The following PDE4DIP variants were observed in gnomAD, a reference collection of about 807,000 sequenced individuals.
The protein encoded by PDE4DIP is phosphodiesterase 4D interacting protein.
In PDE4DIP, 59 loss-of-function variants were observed where a neutral mutation model predicts 221.4. The observed-to-expected ratio is 0.27, with a 90% CI of 0.22 to 0.33. The LOEUF (loss-of-function observed/expected upper bound fraction) is 0.33, where lower values mean the gene tolerates loss of function less well. Among genes scored for constraint, PDE4DIP ranks in the 10% least tolerant of loss-of-function variants. The probability of loss-of-function intolerance (pLI) is 1.00; values close to 1 mark genes in which losing one functional copy is unlikely to be tolerated. For synonymous variants in PDE4DIP, 404 were observed against 815.9 expected (o/e 0.50, Z 8.60); for missense variants, 1,036 against 2,154.2 (o/e 0.48, Z 10.28).
chr1:148,985,099 C>G (rs1379313701), intron 21 of PDE4DIP: 1 of 152,152 alleles, frequency 6.6e-6, no homozygotes, highest in Non-Finnish European at 1.5e-5. Context: ...AGAGATAGAA[C>G]AAATGAAATT....
intron 2 of PDE4DIP, chr1:148,930,447 G>T (rs2047669515): frequency 6.6e-6 from 1 of 150,910 alleles, no homozygotes; most frequent in Non-Finnish European, 1.5e-5. Flanking sequence ...AACCCGGGAG[G>T]CGGAGCTTGC....
exon 31 of PDE4DIP, chr1:149,010,542 T>G (rs782369230): frequency 6.2e-7 from 1 of 1,614,100 alleles, no homozygotes; most frequent in South Asian, 1.1e-5. Context: ...AGCAACCCCA[T>G]CAGCTTGCCA....
At chr1:148,964,212 C>T (rs1430696899) in intron 9 of PDE4DIP, among the ~76,000 whole-genome samples, 1 of 151,324 alleles carries the variant, frequency 6.6e-6, no homozygotes, top group African/African-American at 2.4e-5. Context: ...CGGGTTCAAG[C>T]GATTCTCCTG....
At chr1:148,981,506 C>G (rs1392631194) in intron 21 of PDE4DIP, 109 bp downstream of exon 24, 4 of 1,362,524 alleles carry the variant, frequency 2.9e-6, no homozygotes, top group Non-Finnish European at 4.2e-6. Flanking sequence ...CCAGAAAGAT[C>G]CTTGTCTGAT....
chr1:148,892,467 G>A (rs1203075441), intron 1 of PDE4DIP, among the ~76,000 whole-genome samples: 1 of 121,714 alleles, frequency 8.2e-6, no homozygotes, highest in Non-Finnish European at 1.6e-5. Context: ...GCTGCACAAG[G>A]TGTATGTGGG....
intron 40 of PDE4DIP, 82 bp from the exon 44 acceptor site, chr1:149,028,478 T>C (rs1301865403): frequency 6.5e-5 from 81 of 1,238,738 alleles, no homozygotes; most frequent in South Asian, 2.8e-4. Flanking sequence ...CCATGTTCTA[T>C]GCCTCACTCA....
intron 5 of PDE4DIP, among the ~76,000 whole-genome samples, chr1:148,946,908 T>C (rs2051880668): frequency 6.6e-6 from 1 of 151,956 alleles, no homozygotes; most frequent in Non-Finnish European, 1.5e-5. Context: ...TTCCTTGGCC[T>C]TCTTCATCCT....
At chr1:148,968,790 A>G in intron 13 of PDE4DIP, 46 bp from the exon 17 acceptor site, 2 of 1,036,230 alleles carry the variant, frequency 1.9e-6, no homozygotes. Context: ...TATTTAGCAG[A>G]GGCATTTCTT....
At chr1:149,030,101 G>T (rs2076302315) in intron 42 of PDE4DIP, 131 bp from the exon 46 acceptor site, 6 of 923,686 alleles carry the variant, frequency 6.5e-6, no homozygotes, top group South Asian at 3.1e-5. Context: ...GGGGAGGACA[G>T]GGGGTGGATA....
In PDE4DIP at chr1:149,032,292, C is replaced by T. The variant is rs587700320; in HGVS notation, c.*307C>T. ...TTTTGTGATCCTGCCTCTCAACAGC[C>T]CCAGCAGCTTGGGAACTAGCAAGAG... On this transcript the variant is annotated 3_prime_UTR_variant, in exon 44 of 44. Transcript: ENST00000369354. 903 of 594,816 alleles carry T rather than the reference C, an allele frequency of 1.5e-3. 3 individuals are homozygous for T. Among genetic ancestry groups the T allele is most frequent in the Non-Finnish European group, 2.3e-3 (753 of 333,930 alleles). The allele number at this position is 594,816 out of a possible 1,614,324, so 36.8% of individuals were successfully genotyped here. A position where few individuals can be genotyped will look rare whatever the true frequency, so the allele number is the denominator to read the frequency against.
chr1:149,010,763 A>G (rs1305509106), intron 31 of PDE4DIP, among the ~76,000 whole-genome samples, 168 bp downstream of exon 34: 8 of 151,808 alleles, frequency 5.3e-5, no homozygotes, highest in Admixed American at 1.3e-4. Flanking sequence ...TTAAGAAAAT[A>G]TTTTAGAAAA....
chr1:149,028,695 G>C, exon 41 of PDE4DIP: 1 of 1,581,900 alleles, frequency 6.3e-7, no homozygotes, highest in Non-Finnish European at 8.6e-7. Context: ...TGTGCTGCCT[G>C]GCAAAGTGGT....
chr1:148,967,573 T>C (rs2058420733), intron 12 of PDE4DIP, among the ~76,000 whole-genome samples, 153 bp from the exon 16 acceptor site: 1 of 152,288 alleles, frequency 6.6e-6, no homozygotes, highest in Admixed American at 6.5e-5. Context: ...ACCAAAAAAA[T>C]AGATTAGTAT....
At chr1:149,023,047 T>G (rs183305959) in intron 37 of PDE4DIP, among the ~76,000 whole-genome samples, 137 of 152,276 alleles carry the variant, frequency 9.0e-4, no homozygotes, top group Middle Eastern at 3.4e-3. Context: ...CAAGAGTAGA[T>G]TATTTACCAA....
chr1:149,024,068 T>C (rs587594670), intron 37 of PDE4DIP: 1 of 152,082 alleles, frequency 6.6e-6, no homozygotes, highest in East Asian at 2.0e-4. Flanking sequence ...GAGTGAGGAC[T>C]ATGAAATCTC....
chr1:149,032,991 T>C (rs1401851910), exon 44 of PDE4DIP: 1 of 181,160 alleles, frequency 5.5e-6, no homozygotes, highest in Non-Finnish European at 1.2e-5. Context: ...AAAATGTGTA[T>C]AAAGAAATAA....
chr1:149,010,611 T>C lies in PDE4DIP; in HGVS notation c.5080+16T>C, dbSNP rs782443487. 28 of 1,613,044 alleles carry C rather than the reference T, an allele frequency of 1.7e-5. No individual in the cohort carries two copies. The highest frequency in any genetic ancestry group is 2.2e-5 in the Non-Finnish European group (26 of 1,179,416). Reference sequence around the variant, plus strand: ...GCCCATTCAGGTATGCAACAGCCAATGGGGCAGAAGCTTCATCTCCTCTTT... The same window carrying C: ...GCCCATTCAGGTATGCAACAGCCAACGGGGCAGAAGCTTCATCTCCTCTTT... On this transcript the variant is annotated intron_variant, in intron 31 of 43. Coordinates refer to ENST00000369354, the Ensembl canonical transcript of PDE4DIP.
chr1:148,820,607 A>T (rs1668860588), intron 1 of PDE4DIP, among the ~76,000 whole-genome samples: 1 of 144,038 alleles, frequency 6.9e-6, no homozygotes, highest in Admixed American at 6.9e-5. Flanking sequence ...CTTCTAGATG[A>T]CAAAATGTCA....
chr1:148,906,972 C>T (rs1553450827), intron 1 of PDE4DIP, among the ~76,000 whole-genome samples: 1 of 151,166 alleles, frequency 6.6e-6, no homozygotes, highest in Non-Finnish European at 1.5e-5. Context: ...TTGCTTGAAC[C>T]TGGGAGGCGG....
Sources: allele counts gnomAD v4.1 joint callset (sites outside exome capture counted in the v4.1 genomes callset), GRCh38; gene constraint gnomAD v4.1.1; transcripts MANE v1.5; gene names NCBI Gene and HGNC (gene_info 2026-07-23, HGNC 2026-07-21).